Variants in SLC35F3 observed in about 807,000 individuals in gnomAD.
SLC35F3 encodes the protein putative thiamine transporter SLC35F3.
Under a neutral mutation model 49.9 loss-of-function variants are expected in SLC35F3, and 25 were observed. The ratio of observed to expected loss-of-function variants is 0.50; its 90% CI spans 0.37 to 0.70. SLC35F3 has a LOEUF of 0.70. Ranked by LOEUF, SLC35F3 falls within the 30% of genes least tolerant of loss-of-function variation. The pLI, the probability that SLC35F3 is intolerant of heterozygous loss-of-function variation, is 0.00. For synonymous variants in SLC35F3, 275 were observed against 265.4 expected (o/e 1.04, Z -0.35); for missense variants, 525 against 639.8 (o/e 0.82, Z 1.94).
intron 3 of SLC35F3, among the ~76,000 whole-genome samples, chr1:234,288,209 C>T (rs1668453659): frequency 6.6e-6 from 1 of 152,110 alleles, no homozygotes; most frequent in African/African-American, 2.4e-5. Flanking sequence ...CTTTATGTAA[C>T]CCAAACGTCA....
At chr1:234,186,058 A>G (rs1463085076) in intron 2 of SLC35F3, among the ~76,000 whole-genome samples, 2 of 152,196 alleles carry the variant, frequency 1.3e-5, no homozygotes, top group African/African-American at 4.8e-5. Flanking sequence ...CCACTAACAG[A>G]GATAGAAACA....
intron 2 of SLC35F3, among the ~76,000 whole-genome samples, chr1:234,096,722 A>G (rs1665130638): frequency 6.6e-6 from 1 of 152,076 alleles, no homozygotes; most frequent in Non-Finnish European, 1.5e-5. Context: ...TAGTCTGGTA[A>G]ATGGATTTGA....
At chr1:234,174,696 C>T (rs939033634) in intron 2 of SLC35F3, among the ~76,000 whole-genome samples, 6 of 152,226 alleles carry the variant, frequency 3.9e-5, no homozygotes, top group Admixed American at 3.3e-4. Flanking sequence ...GCAGAAAGCA[C>T]ATCCCTGGAG....
intron 3 of SLC35F3, among the ~76,000 whole-genome samples, chr1:234,255,556 A>G (rs538767): frequency 0.81 from 123,142 of 152,218 alleles, 50,290 homozygotes; most frequent in African/African-American, 0.92. Context: ...GCACACAGAT[A>G]TTTATAGCAG....
At chr1:234,254,662 A>C (rs1198658353) in intron 3 of SLC35F3, among the ~76,000 whole-genome samples, 1 of 152,206 alleles carries the variant, frequency 6.6e-6, no homozygotes, top group East Asian at 1.9e-4. Context: ...AAAAGGAATT[A>C]TTTTGGAAGA....
At chr1:234,069,228 TTATATAAA>T (rs1664677291) in intron 2 of SLC35F3, among the ~76,000 whole-genome samples, 1 of 139,510 alleles carries the variant, frequency 7.2e-6, no homozygotes, top group Non-Finnish European at 1.5e-5. Flanking sequence ...ATATATAATT[TTATATAAA>T]AATATATAAT....
rs183520117 is a variant in SLC35F3, at chr1:234,224,762, G to A, written c.284-6655G>A. 2.1e-3 allele frequency among the ~76,000 whole-genome samples: 325 copies of A among 152,298 alleles called. 5 individuals are homozygous for A. Among genetic ancestry groups the A allele is most frequent in the Admixed American group, 0.019 (284 of 15,292 alleles). On this transcript the variant is annotated intron_variant, in intron 2 of 7. Coordinates refer to ENST00000366618, the MANE Select transcript of SLC35F3 (RefSeq NM_173508.4). The stretch of plus-strand genomic sequence containing the variant: ...TGTATCCTTGGGATATTAACTCTCA[G>A]AACCTCAGCTGTCCAATATACAAAA...
intron 3 of SLC35F3, among the ~76,000 whole-genome samples, chr1:234,291,942 G>A (rs1487157735): frequency 2.0e-5 from 3 of 152,154 alleles, no homozygotes; most frequent in Non-Finnish European, 2.9e-5. Context: ...TGAGAGTAAC[G>A]GGATCAAGAG....
At position 234,221,615 on chromosome 1, in the gene SLC35F3, A is replaced by T. The variant is rs375169464; in HGVS notation, c.284-9802A>T. On this transcript the variant is annotated intron_variant, in intron 2 of 7. Transcript: ENST00000366618. ...GTGGGAAAGGGTTCAGAACAGCCCTATTGGGACATCCAAGAAGAGATTTAA... is the reference window on the plus strand; with the variant it reads ...GTGGGAAAGGGTTCAGAACAGCCCTTTTGGGACATCCAAGAAGAGATTTAA... Among the ~76,000 whole-genome samples the T allele has an allele frequency of 3.6e-4, 55 of 152,318 alleles. 1 individual carries two copies. The South Asian group carries it at 0.011, about 31-fold the overall frequency.
chr1:234,200,822 G>A (rs572302844), intron 2 of SLC35F3, among the ~76,000 whole-genome samples: 5 of 152,146 alleles, frequency 3.3e-5, no homozygotes, highest in East Asian at 1.9e-4. Context: ...CTGCAGCTGC[G>A]AGACAGACCT....
chr1:234,022,882 C>A (rs901637856), intron 2 of SLC35F3, among the ~76,000 whole-genome samples: 3 of 152,162 alleles, frequency 2.0e-5, no homozygotes, highest in African/African-American at 7.2e-5. Context: ...CTGCCTCTGA[C>A]CAGTTTCTTT....
chr1:234,295,133 C>T (rs886223605), intron 3 of SLC35F3, among the ~76,000 whole-genome samples: 1 of 152,208 alleles, frequency 6.6e-6, no homozygotes, highest in African/African-American at 2.4e-5. Context: ...GCTCTGTGTT[C>T]CTGCAGCCTG....
intron 2 of SLC35F3, among the ~76,000 whole-genome samples, chr1:234,165,787 GATTTTAGTGTACCCCTC>G (rs1474428590): frequency 6.6e-6 from 1 of 152,084 alleles, no homozygotes; most frequent in African/African-American, 2.4e-5. Flanking sequence ...TGAAGTCTGG[GATTTTAGTGTACCCCTC>G]ACCCAAGTCG....
chr1:234,179,290 G>A (rs1477317347), intron 2 of SLC35F3, among the ~76,000 whole-genome samples: 3 of 152,172 alleles, frequency 2.0e-5, no homozygotes, highest in Admixed American at 6.5e-5. Flanking sequence ...CTAATGGAAA[G>A]CATTTAAGAC....
rs115435471 is a variant in SLC35F3, at chr1:234,285,954, G to A, written c.609-23147G>A. 2.9e-3 allele frequency among the ~76,000 whole-genome samples: 444 copies of A among 152,188 alleles called. 3 individuals are homozygous for A. Among genetic ancestry groups the A allele is most frequent in the African/African-American group, 0.01 (415 of 41,500 alleles). ...CAGTCAACCCAAAGGGAAATTTCTC[G>A]GGACTTATAACTGGGCTTAGTCCAT... is the stretch of plus-strand genomic sequence containing the variant. On this transcript the variant is annotated intron_variant, in intron 3 of 7. Coordinates refer to ENST00000366618, the MANE Select transcript of SLC35F3 (RefSeq NM_173508.4).
chr1:234,239,934 C>T (rs1286687604), intron 3 of SLC35F3, among the ~76,000 whole-genome samples: 1 of 152,174 alleles, frequency 6.6e-6, no homozygotes, highest in African/African-American at 2.4e-5. Context: ...AGTGTCCCTC[C>T]TGTGGGCTCC....
chr1:234,301,329 A>T (rs1668688812), intron 3 of SLC35F3, among the ~76,000 whole-genome samples: 1 of 152,224 alleles, frequency 6.6e-6, no homozygotes, highest in South Asian at 2.1e-4. Flanking sequence ...TTTACAAAGA[A>T]CTTAAACATA....
At chr1:234,052,721 T>G (rs1274734672) in intron 2 of SLC35F3, among the ~76,000 whole-genome samples, 1 of 152,208 alleles carries the variant, frequency 6.6e-6, no homozygotes, top group East Asian at 1.9e-4. Context: ...TTCTTTTAAT[T>G]GTGATATTAA....
Position 234,059,600 on chromosome 1 carries a change from G to T in SLC35F3, c.283+153842G>T, listed in dbSNP as rs1225225028. Among the ~76,000 whole-genome samples, 8 of 148,832 alleles carry T rather than the reference G, an allele frequency of 5.4e-5. No homozygotes were observed. In the South Asian group the frequency reaches 6.6e-4, roughly 12 times the overall value. ...AGAGATAGAGCTAGAGCTAGAGCTA[G>T]AGACATAGACATAGACTAGACATAG... is the stretch of plus-strand genomic sequence containing the variant. On this transcript the variant is annotated intron_variant, in intron 2 of 7. Transcript: ENST00000366618.
Sources: allele counts gnomAD v4.1 joint callset (sites outside exome capture counted in the v4.1 genomes callset), GRCh38; gene constraint gnomAD v4.1.1; transcripts MANE v1.5; gene names NCBI Gene and HGNC (gene_info 2026-07-23, HGNC 2026-07-21).